Variants in PIAS1 observed in about 807,000 individuals in gnomAD.
PIAS1 encodes E3 SUMO-protein ligase PIAS1.
PIAS1 carries 6 observed loss-of-function variants against 71.3 expected under a neutral mutation model. That is an observed-to-expected ratio of 0.08 (90% CI 0.05 to 0.17). The LOEUF (loss-of-function observed/expected upper bound fraction) is 0.17, where lower values mean the gene tolerates loss of function less well. Ranked by LOEUF, PIAS1 falls within the 10% of genes least tolerant of loss-of-function variation. The pLI, the probability that PIAS1 is intolerant of heterozygous loss-of-function variation, is 1.00. For synonymous variants in PIAS1, 303 were observed against 292.9 expected (o/e 1.03, Z -0.35); for missense variants, 555 against 793.6 (o/e 0.70, Z 3.61).
At chr15:68,176,404 G>A (rs532778957) in intron 10 of PIAS1, 70 bp from the exon 11 acceptor site, 1 of 1,014,070 alleles carries the variant, frequency 9.9e-7, no homozygotes, top group Admixed American at 2.7e-5. Context: ...CTGATAAACT[G>A]TAGTGACACT....
Position 68,086,413 on chromosome 15 carries a change from G to C in PIAS1, c.132G>C (p.Leu44Phe). The C allele has an allele frequency of 1.9e-6, 3 of 1,613,914 alleles. No individual in the cohort carries two copies. The highest frequency in any genetic ancestry group is 8.5e-7 in the Non-Finnish European group (1 of 1,179,852). The change falls in exon 2 of 14, where the codon TTG (leucine) becomes TTC (phenylalanine). Residue 44 changes from leucine to phenylalanine, a missense_variant. Around this residue, in one of 5 missense-constraint regions of PIAS1, gnomAD observed 48 missense variants for 86.6 expected, o/e 0.55. Coordinates refer to ENST00000249636, the MANE Select transcript of PIAS1 (RefSeq NM_016166.3). The surrounding 1 kb of genome is among the most constrained non-coding windows in gnomAD (Gnocchi z 7.2). Reference protein sequence around the residue: ...KHELLTKALHLLKAGCSPAVQ... With the variant: ...KHELLTKALHFLKAGCSPAVQ... ...AACTTCTCACAAAAGCCCTGCATTT[G>C]CTAAAGGCTGGCTGTAGTCCTGCTG...
intron 4 of PIAS1, 34 bp downstream of exon 4, chr15:68,142,371 T>C: frequency 7.1e-7 from 1 of 1,413,060 alleles, no homozygotes; most frequent in Non-Finnish European, 1.0e-6. Flanking sequence ...ATTCAAAGTT[T>C]AAAAGATAAT....
intron 2 of PIAS1, among the ~76,000 whole-genome samples, chr15:68,134,672 AC>A (rs1280506948): frequency 4.3e-5 from 1 of 23,200 alleles, no homozygotes; most frequent in African/African-American, 8.3e-5. Flanking sequence ...CGGGGGGATG[AC>A]CCCCCCACCT....
At chr15:68,121,125 C>CT (rs1489810006) in intron 2 of PIAS1, among the ~76,000 whole-genome samples, 1 of 152,128 alleles carries the variant, frequency 6.6e-6, no homozygotes, top group Non-Finnish European at 1.5e-5. Flanking sequence ...CCTTGAAGGA[C>CT]TTTCTTTACC....
At chr15:68,101,272 A>G (rs1055797168) in intron 2 of PIAS1, among the ~76,000 whole-genome samples, 2 of 150,544 alleles carry the variant, frequency 1.3e-5, no homozygotes, top group African/African-American at 4.9e-5. Context: ...TTTATTTGCC[A>G]TCTGAATATC....
intron 5 of PIAS1, 25 bp downstream of exon 5, chr15:68,145,931 A>C (rs1223099145): frequency 7.7e-7 from 1 of 1,299,590 alleles, no homozygotes; most frequent in Non-Finnish European, 1.1e-6. Context: ...CTGTTTTTTA[A>C]AATTCATTGC....
chr15:68,134,395 G>A lies in PIAS1; in HGVS notation c.470-7551G>A, dbSNP rs1200371125. On this transcript the variant is annotated intron_variant, in intron 2 of 13. Transcript: ENST00000249636. ...CCCCCACCTCCCTCCCAGACAGGGC[G>A]GCTGGCCGGGCAGAGGGGCTCCTCA... Among the ~76,000 whole-genome samples, 5 of 49,726 alleles carry A rather than the reference G, an allele frequency of 1.0e-4. 2 individuals are homozygous for A. The highest frequency in any genetic ancestry group is 1.1e-3 in the South Asian group (2 of 1,808). 32.6% of individuals were successfully genotyped at this position (49,726 alleles called of 152,430 possible). A position where few individuals can be genotyped will look rare whatever the true frequency, so the allele number is the denominator to read the frequency against.
intron 2 of PIAS1, among the ~76,000 whole-genome samples, chr15:68,102,626 C>T (rs1264668132): frequency 6.6e-6 from 1 of 152,064 alleles, no homozygotes; most frequent in Non-Finnish European, 1.5e-5. Context: ...TATTCATCAG[C>T]ATTTTATAGT....
In PIAS1 at chr15:68,171,049, TTTTC is replaced by T. The variant is rs77639007; in HGVS notation, c.1009-2675_1009-2672del. Among the ~76,000 whole-genome samples the T allele has an allele frequency of 0.25, 37,257 of 152,020 alleles. 5,029 individuals are homozygous for T. Among genetic ancestry groups the T allele is most frequent in the Middle Eastern group, 0.36 (105 of 294 alleles). ...CACATTGTACAGCTGTACAAAAATA[TTTTC>T]TTTCTTTATATCCTTATTCTATAAG... On this transcript the variant is annotated intron_variant, in intron 8 of 13. Transcript: ENST00000249636. This position sits in a 1 kb window ranked among gnomAD's most constrained non-coding sequence, Gnocchi z 4.4.
Position 68,187,458 on chromosome 15 carries a change from T to G in PIAS1, c.1663-84T>G. 7.7e-7 allele frequency: 1 copy of G among 1,291,960 alleles called. No homozygotes were observed. Among genetic ancestry groups the G allele is most frequent in the East Asian group, 2.3e-5 (1 of 42,908 alleles). The allele number at this position is 1,291,960 out of a possible 1,614,324, so 80.0% of individuals were successfully genotyped here. A position where few individuals can be genotyped will look rare whatever the true frequency, so the allele number is the denominator to read the frequency against. On this transcript the variant is annotated intron_variant, in intron 13 of 13. Transcript: ENST00000249636. This position sits in a 1 kb window ranked among gnomAD's most constrained non-coding sequence, Gnocchi z 5.3. Reference sequence around the variant, plus strand: ...CCTAGATACTCAGGCTATCTTAAATTTAGGGCTGTGTCCCGCTGAGGAGAA... The same window carrying G: ...CCTAGATACTCAGGCTATCTTAAATGTAGGGCTGTGTCCCGCTGAGGAGAA...
chr15:68,069,658 CG>C (rs2092071229), intron 1 of PIAS1, among the ~76,000 whole-genome samples: 1 of 151,888 alleles, frequency 6.6e-6, no homozygotes, highest in Admixed American at 6.6e-5. Flanking sequence ...AAAAATTAGC[CG>C]GGCGTGGTGG....
At chr15:68,182,366 CAT>C (rs1342687662) in intron 12 of PIAS1, among the ~76,000 whole-genome samples, 1 of 148,474 alleles carries the variant, frequency 6.7e-6, no homozygotes, top group African/African-American at 2.5e-5. Context: ...AACACAGAAA[CAT>C]AAAGTGAAAG....
At chr15:68,179,619 AGGCT>A (rs1367247233) in intron 11 of PIAS1, among the ~76,000 whole-genome samples, 36 of 106,580 alleles carry the variant, frequency 3.4e-4, no homozygotes, top group Non-Finnish European at 5.3e-5. Context: ...CTTATCTCCC[AGGCT>A]GGAGTGCAGT....
chr15:68,143,329 C>T lies in PIAS1; in HGVS notation c.602+992C>T, dbSNP rs538347642. On this transcript the variant is annotated intron_variant, in intron 4 of 13. Transcript: ENST00000249636. ...GGCTAAAAAAGGGATTAATCTAAAA[C>T]GCCTGTTCAGCACTTCATGGAACCA... 2.0e-4 allele frequency among the ~76,000 whole-genome samples: 31 copies of T among 152,136 alleles called. No homozygotes were observed. The South Asian group carries it at 3.1e-3, about 15-fold the overall frequency.
At position 68,054,537 on chromosome 15, in the gene PIAS1, G is replaced by A; in HGVS notation, c.24+187G>A. 1.9e-6 allele frequency: 1 copy of A among 532,898 alleles called. No homozygotes were observed. The highest frequency in any genetic ancestry group is 3.3e-6 in the Non-Finnish European group (1 of 307,128). 33.0% of individuals were successfully genotyped at this position (532,898 alleles called of 1,614,324 possible). A position where few individuals can be genotyped will look rare whatever the true frequency, so the allele number is the denominator to read the frequency against. The stretch of plus-strand genomic sequence containing the variant: ...GCCTGCGGCGGGCCGCGGGCCCCGG[G>A]TGCCTCGGGGGCGCTGACGGGTCGT... On this transcript the variant is annotated intron_variant, in intron 1 of 13. Coordinates refer to ENST00000249636, the MANE Select transcript of PIAS1 (RefSeq NM_016166.3). This position sits in a 1 kb window ranked among gnomAD's most constrained non-coding sequence, Gnocchi z 4.6.
At chr15:68,146,339 T>C (rs2092807877) in intron 5 of PIAS1, among the ~76,000 whole-genome samples, 1 of 152,148 alleles carries the variant, frequency 6.6e-6, no homozygotes, top group South Asian at 2.1e-4. Context: ...ATTTAAGAGA[T>C]TTTGAATTTT....
chr15:68,183,559 G>T, intron 12 of PIAS1, 71 bp from the exon 13 acceptor site: 1 of 660,178 alleles, frequency 1.5e-6, no homozygotes, highest in East Asian at 2.9e-5. Flanking sequence ...ATTTGTTTTT[G>T]AAGTATTGGG....
intron 7 of PIAS1, among the ~76,000 whole-genome samples, chr15:68,160,179 C>G (rs187871266): frequency 6.6e-6 from 1 of 152,084 alleles, no homozygotes; most frequent in Non-Finnish European, 1.5e-5. Context: ...ATTATGAAAT[C>G]TTTGCCTAAA....
chr15:68,099,084 C>T (rs1020358824), intron 2 of PIAS1, among the ~76,000 whole-genome samples: 7 of 151,888 alleles, frequency 4.6e-5, no homozygotes, highest in Non-Finnish European at 7.4e-5. Flanking sequence ...AAATTTATAA[C>T]TCATTATAGT....
Sources: allele counts gnomAD v4.1 joint callset (sites outside exome capture counted in the v4.1 genomes callset), GRCh38; gene constraint gnomAD v4.1.1; regional missense constraint gnomAD v4.1.1; non-coding constraint Gnocchi (gnomAD v3.1); transcripts MANE v1.5; gene names NCBI Gene and HGNC (gene_info 2026-07-23, HGNC 2026-07-21).